Variants in ULK4 observed in about 807,000 individuals in gnomAD.
ULK4 encodes the protein inactive serine/threonine-protein kinase ULK4.
Under a neutral mutation model 160.6 loss-of-function variants are expected in ULK4, and 133 were observed. The ratio of observed to expected loss-of-function variants is 0.83; its 90% CI spans 0.72 to 0.96. ULK4 has a LOEUF of 0.96. ULK4 is among the 40% of genes least tolerant of loss of function. The pLI is 0.00. For synonymous variants in ULK4, 534 were observed against 539.8 expected (o/e 0.99, Z 0.15); for missense variants, 1,580 against 1,499.5 (o/e 1.05, Z -0.89).
intron 17 of ULK4, among the ~76,000 whole-genome samples, chr3:41,860,860 CT>C (rs996689025): frequency 6.6e-6 from 1 of 151,942 alleles, no homozygotes; most frequent in African/African-American, 2.4e-5. Context: ...TAGTTTCTTG[CT>C]TTTTATTTTT....
chr3:41,898,988 A>C (rs1290481630), intron 13 of ULK4: 1 of 153,454 alleles, frequency 6.5e-6, no homozygotes, highest in Non-Finnish European at 1.4e-5. Context: ...CACTGGACAG[A>C]AAGAATTTTT....
chr3:41,765,489 T>A (rs547300557), intron 21 of ULK4, among the ~76,000 whole-genome samples: 2 of 152,074 alleles, frequency 1.3e-5, no homozygotes, highest in Non-Finnish European at 2.9e-5. Flanking sequence ...CACACCAACA[T>A]AGCACATGTA....
intron 17 of ULK4, among the ~76,000 whole-genome samples, chr3:41,858,335 A>G (rs1025185980): frequency 1.3e-5 from 2 of 149,020 alleles, no homozygotes; most frequent in Non-Finnish European, 3.0e-5. Context: ...TATTTTTAGT[A>G]GGGACGGGGT....
Position 41,686,106 on chromosome 3 carries a change from T to C in ULK4, c.2782-4302A>G, listed in dbSNP as rs150822901. ...TGGACTTCTGGGTTCTAGACCAACG[T>C]GTAAACAGCTTGGAAATCATCACAA... On this transcript the variant is annotated intron_variant, in intron 27 of 36. Coordinates refer to ENST00000301831, the MANE Select transcript of ULK4 (RefSeq NM_017886.4). Among the ~76,000 whole-genome samples, 25 of 152,264 alleles carry C rather than the reference T, an allele frequency of 1.6e-4. No homozygotes were observed. In the East Asian group the frequency reaches 4.1e-3, roughly 25 times the overall value.
chr3:41,699,269 C>G (rs2036595161), intron 27 of ULK4, among the ~76,000 whole-genome samples: 1 of 152,128 alleles, frequency 6.6e-6, no homozygotes, highest in African/African-American at 2.4e-5. Flanking sequence ...AGTATTAACT[C>G]AAATAACTGG....
intron 6 of ULK4, 41 bp downstream of exon 6, chr3:41,919,670 GGTTTTT>G (rs1699119379): frequency 1.0e-5 from 15 of 1,489,832 alleles, no homozygotes; most frequent in Non-Finnish European, 1.2e-5. Context: ...GACTTAACCT[GGTTTTT>G]AGTCCAGCTC....
intron 32 of ULK4, among the ~76,000 whole-genome samples, chr3:41,556,279 C>A (rs1250744419): frequency 6.6e-6 from 1 of 152,026 alleles, no homozygotes. Context: ...TAGTTTTGTT[C>A]AACTCTGTGA....
At chr3:41,321,570 G>C (rs140792924) in intron 35 of ULK4, among the ~76,000 whole-genome samples, 1,535 of 152,090 alleles carry the variant, frequency 0.01, 17 homozygotes, top group African/African-American at 0.035. Context: ...GTTGTTAACT[G>C]TCTCTCTAAA....
At chr3:41,469,602 CAAA>C (rs71616008) in intron 32 of ULK4, among the ~76,000 whole-genome samples, 39 of 11,312 alleles carry the variant, frequency 3.4e-3, no homozygotes, top group African/African-American at 9.5e-3. Flanking sequence ...CTACACCTGC[CAAA>C]AAAAAAAAAA....
chr3:41,575,384 AG>A (rs978519300), intron 31 of ULK4, among the ~76,000 whole-genome samples: 3 of 152,058 alleles, frequency 2.0e-5, no homozygotes, highest in African/African-American at 7.2e-5. Context: ...CGGGGCTTCT[AG>A]GGGTTGAGCA....
At chr3:41,894,114 T>A (rs1178668456) in intron 16 of ULK4, among the ~76,000 whole-genome samples, 1 of 152,156 alleles carries the variant, frequency 6.6e-6, no homozygotes, top group African/African-American at 2.4e-5. Flanking sequence ...CTAAAACCAA[T>A]CTCCGGGCTG....
chr3:41,398,197 TACAGCTGAACCA>T lies in ULK4; in HGVS notation c.3548_3559del (p.Leu1183_Tyr1187delinsHis). On this transcript the variant is annotated inframe_deletion, in exon 35 of 37. Coordinates refer to ENST00000301831, the MANE Select transcript of ULK4 (RefSeq NM_017886.4). ...GAGGCTGTCCGGGTTTTCCCCTCCA[TACAGCTGAACCA>T]GTATAGACAGGCACTTGGATGAAAC... is the stretch of plus-strand genomic sequence containing the variant. 6.2e-7 allele frequency: 1 copy of T among 1,613,420 alleles called. No homozygotes were observed. The highest frequency in any genetic ancestry group is 1.1e-5 in the South Asian group (1 of 91,052).
chr3:41,873,238 T>TTATTTTTTTA (rs1553679684), intron 17 of ULK4, among the ~76,000 whole-genome samples: 7,095 of 148,888 alleles, frequency 0.048, 501 homozygotes, highest in African/African-American at 0.17. Context: ...TTTTTTTTTT[T>TTATTTTTTTA]TTTTTGAAAA....
Position 41,544,588 on chromosome 3 carries a change from G to A in ULK4, c.3226+21437C>T, listed in dbSNP as rs148432188. Among the ~76,000 whole-genome samples, 26 of 152,250 alleles carry A rather than the reference G, an allele frequency of 1.7e-4. 1 individual carries two copies. The East Asian group carries it at 5.0e-3, about 29-fold the overall frequency. ...TTTCCTTCCCTAAAACTTCTTTTAA[G>A]TTTCTTCACAAACTCTTCTTTGCTC... On this transcript the variant is annotated intron_variant, in intron 32 of 36. Coordinates refer to ENST00000301831, the MANE Select transcript of ULK4 (RefSeq NM_017886.4).
intron 19 of ULK4, 25 bp from the exon 20 acceptor site, chr3:41,800,318 A>G: frequency 6.6e-7 from 1 of 1,518,928 alleles, no homozygotes; most frequent in Non-Finnish European, 9.0e-7. Flanking sequence ...GATTAAAATA[A>G]TATTAGTGTG....
chr3:41,653,961 C>A (rs1431884365), intron 30 of ULK4, among the ~76,000 whole-genome samples: 1 of 152,210 alleles, frequency 6.6e-6, no homozygotes, highest in East Asian at 1.9e-4. Context: ...ATGCAATAAA[C>A]CTAAGTTGTT....
At chr3:41,718,858 G>A (rs551896334) in intron 22 of ULK4, among the ~76,000 whole-genome samples, 21 of 152,240 alleles carry the variant, frequency 1.4e-4, no homozygotes, top group East Asian at 5.8e-4. Flanking sequence ...ATGCATTTGC[G>A]TTTCCATGTA....
intron 34 of ULK4, among the ~76,000 whole-genome samples, chr3:41,453,690 C>T (rs2083472677): frequency 6.6e-6 from 1 of 152,102 alleles, no homozygotes; most frequent in South Asian, 2.1e-4. Flanking sequence ...CTAAATTGAG[C>T]CCATGCCCAT....
intron 31 of ULK4, among the ~76,000 whole-genome samples, chr3:41,608,356 T>C (rs1237494510): frequency 6.6e-6 from 1 of 152,236 alleles, no homozygotes; most frequent in African/African-American, 2.4e-5. Flanking sequence ...TGCTGCTTTA[T>C]TTAATCAAAA....
Sources: gnomAD v4.1 joint callset for allele counts (sites outside exome capture counted in the v4.1 genomes callset) on GRCh38, gnomAD v4.1.1 for gene constraint, MANE v1.5 for transcripts, NCBI Gene and HGNC (gene_info 2026-07-23, HGNC 2026-07-21) for gene names.